Variants in COL3A1 observed in about 807,000 individuals in gnomAD.
COL3A1 encodes the protein collagen alpha-1(III) chain.
Under a neutral mutation model 200.9 loss-of-function variants are expected in COL3A1, and 46 were observed. The ratio of observed to expected loss-of-function variants is 0.23; its 90% CI spans 0.18 to 0.29. The LOEUF (loss-of-function observed/expected upper bound fraction) is 0.29. Ranked by LOEUF, COL3A1 falls within the 10% of genes least tolerant of loss-of-function variation. The probability of loss-of-function intolerance (pLI) is 1.00; values close to 1 mark genes in which losing one functional copy is unlikely to be tolerated. For missense variants in COL3A1, 1,367 were observed against 1,917.6 expected (o/e 0.71, Z 5.36); for synonymous variants, 650 against 628.0 (o/e 1.03, Z -0.52).
intron 49 of COL3A1, 138 bp downstream of exon 49, chr2:189,010,503 A>C: frequency 6.8e-7 from 1 of 1,477,148 alleles, no homozygotes; most frequent in Admixed American, 1.7e-5. Context: ...GATGGCATGC[A>C]ATAAAAATAT....
chr2:189,005,566 A>G lies in COL3A1; in HGVS notation c.3039+109A>G, dbSNP rs907403391. The G allele has an allele frequency of 4.7e-6, 4 of 850,310 alleles. No individual in the cohort carries two copies. In the African/African-American group the frequency reaches 5.0e-5, roughly 11 times the overall value. 52.7% of individuals were successfully genotyped at this position (850,310 alleles called of 1,614,324 possible). A position where few individuals can be genotyped will look rare whatever the true frequency, so the allele number is the denominator to read the frequency against. ...GAGTGTAAATATGGCCACATAGCAA[A>G]GTTCTTCTATCTCTAATAACAGAAA... On this transcript the variant is annotated intron_variant, in intron 41 of 50. Coordinates refer to ENST00000304636, the MANE Select transcript of COL3A1 (RefSeq NM_000090.4).
chr2:189,003,313 A>C, intron 36 of COL3A1, 98 bp from the exon 37 acceptor site: 1 of 1,044,792 alleles, frequency 9.6e-7, no homozygotes. Context: ...AAGTTATTTT[A>C]ACCTCTTCAT....
Position 188,997,735 on chromosome 2 carries a change from T to C in COL3A1, c.1905T>C (p.Pro635=). 1 of 1,614,030 alleles carries C rather than the reference T, an allele frequency of 6.2e-7. No individual in the cohort carries two copies. The highest frequency in any genetic ancestry group is 8.5e-7 in the Non-Finnish European group (1 of 1,179,896). Residue 635 remains proline (P), a synonymous_variant, in exon 27 of 51, where the codon CCT becomes CCC. Coordinates refer to ENST00000304636, the MANE Select transcript of COL3A1 (RefSeq NM_000090.4). Reference sequence around the variant, plus strand: ...GTGACAAAGGAGACACAGGACCCCCTGGTCCACAAGGATTACAAGTAAGAA... The same window carrying C: ...GTGACAAAGGAGACACAGGACCCCCCGGTCCACAAGGATTACAAGTAAGAA... ...PGGDKGDTGP[P]GPQGLQGLPG...
At chr2:188,987,590 A>C (rs968929901) in intron 5 of COL3A1, among the ~76,000 whole-genome samples, 1 of 152,102 alleles carries the variant, frequency 6.6e-6, no homozygotes. Context: ...GATCATATAA[A>C]TCTCTATGTC....
In COL3A1 at chr2:189,010,064, A is replaced by G. The variant is rs1342738293; in HGVS notation, c.3824-114A>G. 6.4e-5 allele frequency: 62 copies of G among 973,210 alleles called. No homozygotes were observed. In the South Asian group the frequency reaches 8.2e-4, roughly 13 times the overall value. The allele number at this position is 973,210 out of a possible 1,614,324, so 60.3% of individuals were successfully genotyped here. ...AAAGCTTCTCTATCATTCTATACAT[A>G]AAATGCAGACACATTAGCAGTCAAC... is the stretch of plus-strand genomic sequence containing the variant. On this transcript the variant is annotated intron_variant, in intron 48 of 50. Transcript: ENST00000304636.
rs1576456328 is a variant in COL3A1, at chr2:188,975,983, T to C, written c.79+1415T>C. Among the ~76,000 whole-genome samples, 15 of 151,892 alleles carry C rather than the reference T, an allele frequency of 9.9e-5. No homozygotes were observed. The South Asian group carries it at 2.9e-3, about 29-fold the overall frequency. On this transcript the variant is annotated intron_variant, in intron 1 of 50. Transcript: ENST00000304636. ...CCCATGTGGCCTCCTTATGCCTCCA[T>C]TTCTTTTTTTTAGTTCTCTCTCTCC...
intron 50 of COL3A1, 123 bp from the exon 51 acceptor site, chr2:189,011,505 T>G: frequency 1.8e-6 from 2 of 1,102,202 alleles, no homozygotes; most frequent in South Asian, 2.6e-5. Flanking sequence ...CTCATATACA[T>G]GAATAATAAC....
At chr2:189,002,031 A>G (rs1179449488) in intron 34 of COL3A1, among the ~76,000 whole-genome samples, 1 of 152,154 alleles carries the variant, frequency 6.6e-6, no homozygotes, top group Non-Finnish European at 1.5e-5. Flanking sequence ...ATAAATATCT[A>G]TATATATAAA....
At chr2:189,008,308 C>G (rs1052743633) in intron 47 of COL3A1, 166 bp downstream of exon 47, 4 of 696,430 alleles carry the variant, frequency 5.7e-6, no homozygotes, top group African/African-American at 5.3e-5. Flanking sequence ...AAAAATGTTT[C>G]TACCACACTA....
At chr2:189,004,409 C>G (rs181551816) in intron 40 of COL3A1, 45 bp downstream of exon 40, 73 of 1,512,602 alleles carry the variant, frequency 4.8e-5, no homozygotes, top group Non-Finnish European at 6.4e-5. Flanking sequence ...CCTTTGGTAG[C>G]CTTCAGAGAT....
chr2:188,993,013 C>A, intron 15 of COL3A1, 73 bp downstream of exon 15: 3 of 1,408,990 alleles, frequency 2.1e-6, no homozygotes, highest in South Asian at 1.2e-5. Flanking sequence ...TTGCTTCTTG[C>A]AACTGATTTT....
intron 2 of COL3A1, 78 bp from the exon 3 acceptor site, chr2:188,985,119 G>A (rs1035108929): frequency 1.4e-6 from 2 of 1,470,382 alleles, no homozygotes; most frequent in Non-Finnish European, 1.9e-6. Context: ...TTAAAGATAA[G>A]GATTGGTTAG....
intron 6 of COL3A1, 122 bp downstream of exon 6, chr2:188,988,256 C>T (rs1688104558): frequency 1.1e-6 from 1 of 872,470 alleles, no homozygotes; most frequent in African/African-American, 1.7e-5. Context: ...AAATCATAAC[C>T]AAGAAACTGA....
intron 28 of COL3A1, 37 bp downstream of exon 28, chr2:188,998,356 AAAG>A (rs1559058150): frequency 6.4e-7 from 1 of 1,556,486 alleles, no homozygotes; most frequent in Non-Finnish European, 8.9e-7. Context: ...TCAGAAACAA[AAAG>A]AATACACACT....
chr2:188,977,291 G>A (rs942681426), intron 1 of COL3A1, among the ~76,000 whole-genome samples: 14 of 152,084 alleles, frequency 9.2e-5, no homozygotes, highest in Admixed American at 8.5e-4. Flanking sequence ...GTGTACTAAT[G>A]TTTGAGTTTC....
Position 189,008,784 on chromosome 2 carries a change from C to T in COL3A1, c.3526-140C>T, listed in dbSNP as rs1204757126. 5 of 931,160 alleles carry T rather than the reference C, an allele frequency of 5.4e-6. No homozygotes were observed. The African/African-American group carries it at 8.1e-5, about 15-fold the overall frequency. The allele number at this position is 931,160 out of a possible 1,614,324, so 57.7% of individuals were successfully genotyped here. On this transcript the variant is annotated intron_variant, in intron 47 of 50. Transcript: ENST00000304636. The stretch of plus-strand genomic sequence containing the variant: ...CGGTGATCACGTGACCCTAAAGGCA[C>T]CCAAATAAATCTTTAGTAAAATAAT...
At chr2:188,992,108 G>T in intron 13 of COL3A1, 76 bp from the exon 14 acceptor site, 1 of 1,455,762 alleles carries the variant, frequency 6.9e-7, no homozygotes, top group South Asian at 1.1e-5. Flanking sequence ...ACTTGAGTCA[G>T]AATTTTGGTC....
In COL3A1 at chr2:188,994,868, A is replaced by T; in HGVS notation, c.1455+37A>T. The T allele has an allele frequency of 6.2e-7, 1 of 1,605,446 alleles. No homozygotes were observed. Among genetic ancestry groups the T allele is most frequent in the Non-Finnish European group, 8.5e-7 (1 of 1,173,346 alleles). ...ATGGGGCATCTAAAAGAAAAGCAGC[A>T]TCACTGTCATCTAAATAAAACTACC... On this transcript the variant is annotated intron_variant, in intron 20 of 50. Transcript: ENST00000304636. This position sits in a 1 kb window ranked among gnomAD's most constrained non-coding sequence, Gnocchi z 4.5.
chr2:188,999,976 C>CA (rs1263167703), intron 32 of COL3A1, 81 bp downstream of exon 32: 107 of 1,373,914 alleles, frequency 7.8e-5, no homozygotes, highest in Non-Finnish European at 3.0e-6. Context: ...TAATTTTTTC[C>CA]AAAAACTACT....
Sources: gnomAD v4.1 joint callset for allele counts (sites outside exome capture counted in the v4.1 genomes callset) on GRCh38, gnomAD v4.1.1 for gene constraint, Gnocchi (gnomAD v3.1) non-coding constraint, MANE v1.5 for transcripts, NCBI Gene and HGNC (gene_info 2026-07-23, HGNC 2026-07-21) for gene names.